PPFIA2: variants seen among roughly 807,000 people sequenced by gnomAD.
The protein encoded by PPFIA2 is liprin-alpha-2.
A neutral mutation model predicts 175.5 loss-of-function variants in PPFIA2; 46 were observed. That is an observed-to-expected ratio of 0.26 (90% confidence interval 0.21 to 0.34). The LOEUF (loss-of-function observed/expected upper bound fraction) is 0.34, where lower values mean the gene tolerates loss of function less well. PPFIA2 is among the 10% of genes least tolerant of loss of function. PPFIA2 has a pLI of 1.00. For missense variants in PPFIA2, 1,179 were observed against 1,506.1 expected (o/e 0.78, Z 3.60); for synonymous variants, 568 against 511.4 (o/e 1.11, Z -1.49).
chr12:81,432,790 C>T (rs1039965470), intron 7 of PPFIA2, among the ~76,000 whole-genome samples: 2 of 152,020 alleles, frequency 1.3e-5, no homozygotes, highest in African/African-American at 4.8e-5. Flanking sequence ...AGTTTGTTAA[C>T]ATATTTATAC....
At position 81,341,202 on chromosome 12, in the gene PPFIA2, C is replaced by A. The variant is rs376334232; in HGVS notation, c.2269G>T (p.Val757Phe). 2.5e-6 allele frequency: 4 copies of A among 1,610,920 alleles called. No homozygotes were observed. The highest frequency in any genetic ancestry group is 3.4e-6 in the Non-Finnish European group (4 of 1,177,958). The change falls in exon 20 of 33, where the codon GTT becomes TTT. Residue 757 changes from valine to phenylalanine, a missense_variant. Val to Phe is a conservative substitution (Grantham distance 50). This residue lies in a region of PPFIA2 where 223 missense variants were observed against 241.6 expected (regional missense o/e 0.92). Coordinates refer to ENST00000549396, the MANE Select transcript of PPFIA2 (RefSeq NM_003625.5). ...TCCTCTCGACCATCTTCTTCCACAA[C>A]TGCAATCTAGAAGCAAAAACAATAC... ...DLRKHRRKIA[V>F]VEEDGREDKA...
At chr12:81,467,329 T>A (rs1391189967) in intron 4 of PPFIA2, among the ~76,000 whole-genome samples, 1 of 152,176 alleles carries the variant, frequency 6.6e-6, no homozygotes, top group Non-Finnish European at 1.5e-5. Flanking sequence ...AATGTTAATG[T>A]ATATAAGGGT....
chr12:81,518,713 C>T (rs1214495223), intron 4 of PPFIA2, among the ~76,000 whole-genome samples: 5 of 152,172 alleles, frequency 3.3e-5, no homozygotes, highest in Non-Finnish European at 7.3e-5. Flanking sequence ...ATCTATCTAT[C>T]TATTAATAGT....
intron 7 of PPFIA2, among the ~76,000 whole-genome samples, chr12:81,429,450 C>T (rs558510490): frequency 3.3e-5 from 5 of 152,048 alleles, no homozygotes; most frequent in Middle Eastern, 3.4e-3. Context: ...TTCAAATAAA[C>T]GATCCTATAA....
intron 4 of PPFIA2, among the ~76,000 whole-genome samples, chr12:81,627,969 AT>A (rs907491888): frequency 6.6e-6 from 1 of 152,168 alleles, no homozygotes; most frequent in African/African-American, 2.4e-5. Flanking sequence ...AAAATTCAGT[AT>A]TGGCTACAAT....
At chr12:81,421,691 A>G (rs1325178193) in intron 7 of PPFIA2, among the ~76,000 whole-genome samples, 2 of 152,110 alleles carry the variant, frequency 1.3e-5, no homozygotes, top group Non-Finnish European at 2.9e-5. Flanking sequence ...TCACCTGTCA[A>G]TAATTACTTT....
chr12:81,322,565 A>T (rs1203965582), intron 22 of PPFIA2, among the ~76,000 whole-genome samples: 7 of 152,218 alleles, frequency 4.6e-5, no homozygotes, highest in Non-Finnish European at 8.8e-5. Context: ...AAAGAATTAC[A>T]AGCTGAGTTT....
chr12:81,555,975 C>T (rs1396942868), intron 4 of PPFIA2, among the ~76,000 whole-genome samples: 1 of 151,764 alleles, frequency 6.6e-6, no homozygotes, highest in Non-Finnish European at 1.5e-5. Context: ...GTTTCATCCT[C>T]TAAATTAAGT....
At chr12:81,701,737 T>C (rs1330815494) in intron 3 of PPFIA2, among the ~76,000 whole-genome samples, 1 of 152,050 alleles carries the variant, frequency 6.6e-6, no homozygotes, top group East Asian at 1.9e-4. Context: ...CTACTATTCT[T>C]TCTGTCAGTA....
intron 7 of PPFIA2, among the ~76,000 whole-genome samples, chr12:81,423,981 A>T (rs1479641794): frequency 6.6e-6 from 1 of 152,108 alleles, no homozygotes; most frequent in Admixed American, 6.6e-5. Flanking sequence ...TAAGAAAACA[A>T]CCCCCTTAAT....
chr12:81,358,271 G>A, intron 15 of PPFIA2, 54 bp from the exon 16 acceptor site: 2 of 1,494,382 alleles, frequency 1.3e-6, no homozygotes, highest in Non-Finnish European at 1.8e-6. Context: ...AAACTTACCA[G>A]GAAATTACTA....
intron 3 of PPFIA2, among the ~76,000 whole-genome samples, chr12:81,724,090 T>C (rs2079709736): frequency 6.6e-6 from 1 of 150,866 alleles, no homozygotes; most frequent in Non-Finnish European, 1.5e-5. Context: ...TTGGCTTGGT[T>C]ACAATGCTCT....
At chr12:81,621,725 A>T (rs1457929623) in intron 4 of PPFIA2, among the ~76,000 whole-genome samples, 1 of 152,222 alleles carries the variant, frequency 6.6e-6, no homozygotes, top group Non-Finnish European at 1.5e-5. Flanking sequence ...TGAAAGAATC[A>T]GGTTGTCATC....
chr12:81,573,242 A>G (rs1419939101), intron 4 of PPFIA2, among the ~76,000 whole-genome samples: 2 of 151,910 alleles, frequency 1.3e-5, no homozygotes, highest in South Asian at 2.1e-4. Flanking sequence ...CAGAAGAGGG[A>G]GCACCACACA....
chr12:81,561,567 A>G (rs1265813299), intron 4 of PPFIA2, among the ~76,000 whole-genome samples: 4 of 152,170 alleles, frequency 2.6e-5, no homozygotes, highest in African/African-American at 9.7e-5. Context: ...ACTCCTGTCC[A>G]AAGGGCTCAT....
chr12:81,397,724 C>T (rs1330036048), intron 8 of PPFIA2, among the ~76,000 whole-genome samples: 1 of 151,996 alleles, frequency 6.6e-6, no homozygotes, highest in Non-Finnish European at 1.5e-5. Flanking sequence ...ATGTACTGGT[C>T]TGTGGCCTGT....
At chr12:81,744,278 T>C (rs967670439) in intron 3 of PPFIA2, among the ~76,000 whole-genome samples, 2 of 152,180 alleles carry the variant, frequency 1.3e-5, no homozygotes, top group Admixed American at 6.5e-5. Flanking sequence ...TATAGTATCA[T>C]AAATATTAGA....
chr12:81,302,963 C>T (rs2048236414), intron 22 of PPFIA2, among the ~76,000 whole-genome samples: 2 of 152,092 alleles, frequency 1.3e-5, no homozygotes. Flanking sequence ...TACATAAGGG[C>T]ATGCTTATTC....
chr12:81,513,202 C>T (rs1034856347), intron 4 of PPFIA2, among the ~76,000 whole-genome samples: 2 of 151,924 alleles, frequency 1.3e-5, no homozygotes, highest in Admixed American at 6.6e-5. Context: ...CAATGAGATA[C>T]CAACTTATTC....
Sources: gnomAD v4.1 joint callset for allele counts (sites outside exome capture counted in the v4.1 genomes callset) on GRCh38, gnomAD v4.1.1 for gene constraint, gnomAD v4.1.1 regional missense constraint, MANE v1.5 for transcripts, NCBI Gene and HGNC (gene_info 2026-07-23, HGNC 2026-07-21) for gene names.